The following APOB variants were observed in gnomAD, a reference collection of about 807,000 sequenced individuals.
APOB encodes the protein apolipoprotein B-100.
A neutral mutation model predicts 314.1 loss-of-function variants in APOB; 153 were observed. The observed-to-expected ratio is 0.49, with a 90% CI of 0.43 to 0.56. The LOEUF (loss-of-function observed/expected upper bound fraction) is 0.56, where lower values mean the gene tolerates loss of function less well. APOB is among the 20% of genes least tolerant of loss of function. APOB has a pLI of 0.00. For synonymous variants in APOB, 2,087 were observed against 2,036.4 expected (o/e 1.02, Z -0.67); for missense variants, 5,430 against 5,350.7 (o/e 1.01, Z -0.46).
intron 3 of APOB, among the ~76,000 whole-genome samples, 160 bp downstream of exon 3, chr2:21,042,201 A>G (rs1449046582): frequency 2.6e-5 from 4 of 152,226 alleles, no homozygotes; most frequent in African/African-American, 7.2e-5. Context: ...TTACAAACAG[A>G]GGCAAAGTCC....
At chr2:21,038,316 C>A (rs1317819576) in intron 4 of APOB, among the ~76,000 whole-genome samples, 1 of 151,062 alleles carries the variant, frequency 6.6e-6, no homozygotes, top group Non-Finnish European at 1.5e-5. Flanking sequence ...TTTGGTGATT[C>A]TTTTTTTTTC....
chr2:21,014,979 A>G, intron 23 of APOB, 94 bp downstream of exon 23: 1 of 1,306,406 alleles, frequency 7.7e-7, no homozygotes, highest in Non-Finnish European at 1.1e-6. Flanking sequence ...CATGCCTTAT[A>G]CATCTTTGGA....
At chr2:21,003,632 G>A (rs941073458) in intron 28 of APOB, among the ~76,000 whole-genome samples, 2 of 152,186 alleles carry the variant, frequency 1.3e-5, no homozygotes, top group African/African-American at 4.8e-5. Context: ...TGGAAGAGGA[G>A]TGGGGGGAAG....
chr2:21,007,578 T>C lies in APOB; in HGVS notation c.9290A>G (p.Lys3097Arg). The C allele has an allele frequency of 6.2e-7, 1 of 1,614,106 alleles. No homozygotes were observed. The highest frequency in any genetic ancestry group is 1.1e-5 in the South Asian group (1 of 91,078). ...WQVSARFNQY[K>R]YNQNFSAGNN... ...TCCAGCAGAGAAATTTTGGTTGTAC[T>C]TATACTGATTGAACCTAGCACTTAC... The change falls in exon 26 of 29, where the codon AAG becomes AGG. Residue 3097 changes from lysine (K) to arginine (R), a missense_variant. Coordinates refer to ENST00000233242, the MANE Select transcript of APOB (RefSeq NM_000384.3).
In APOB at chr2:21,001,700, G is replaced by T; in HGVS notation, c.*30C>A. ...GCTATGTGAAAGTTCAATTGGAAAA[G>T]AAGAATAAATGAAGATTTCTTTTAA... is the stretch of plus-strand genomic sequence containing the variant. On this transcript the variant is annotated 3_prime_UTR_variant, in exon 29 of 29. Coordinates refer to ENST00000233242, the MANE Select transcript of APOB (RefSeq NM_000384.3). 1 of 1,608,628 alleles carries T rather than the reference G, an allele frequency of 6.2e-7. No homozygotes were observed. The highest frequency in any genetic ancestry group is 1.1e-5 in the South Asian group (1 of 90,856).
In APOB at chr2:21,024,919, G is replaced by T. The variant is rs1296620347; in HGVS notation, c.2436+14C>A. 6.2e-7 allele frequency: 1 copy of T among 1,613,688 alleles called. No individual in the cohort carries two copies. The highest frequency in any genetic ancestry group is 1.1e-5 in the South Asian group (1 of 91,040). ...TCTGGTCTCATGGGCCCCCAGTGGG[G>T]CCTGCTGACTTACCATCTGGGGGAT... On this transcript the variant is annotated intron_variant, in intron 16 of 28. Coordinates refer to ENST00000233242, the MANE Select transcript of APOB (RefSeq NM_000384.3).
At position 21,009,774 on chromosome 2, in the gene APOB, G is replaced by T. The variant is rs200034452; in HGVS notation, c.7094C>A (p.Ala2365Asp). 6.2e-7 allele frequency: 1 copy of T among 1,613,886 alleles called. No individual in the cohort carries two copies. Among genetic ancestry groups the T allele is most frequent in the African/African-American group, 1.3e-5 (1 of 74,976 alleles). The change falls in exon 26 of 29, where the codon GCC becomes GAC. Residue 2365 changes from alanine (A) to aspartate (D), a missense_variant. Ala to Asp is a moderately radical substitution (Grantham distance 126). Transcript: ENST00000233242. ...AGTCTCCTTCAACTTGTATTGGTGGGCCAACTCTACTAATTTATCCATTAA... is the reference window on the plus strand; with the variant it reads ...AGTCTCCTTCAACTTGTATTGGTGGTCCAACTCTACTAATTTATCCATTAA... ...QVLMDKLVEL[A>D]HQYKLKETIQ...
chr2:21,036,971 T>G, intron 6 of APOB, 129 bp downstream of exon 6: 3 of 1,189,870 alleles, frequency 2.5e-6, no homozygotes, highest in Non-Finnish European at 3.6e-6. Context: ...CAGGGTCCTA[T>G]CTCTAGTCTG....
rs529781248 is a variant in APOB, at chr2:21,016,755, C to T, written c.3122-106G>A. On this transcript the variant is annotated intron_variant, in intron 20 of 28. Transcript: ENST00000233242. ...ATCCCAGCACTTTGGGAGGCCAAGG[C>T]GGGCAGATCATGAGGTCAGGAGATC... The T allele has an allele frequency of 1.1e-3, 819 of 757,144 alleles. 5 individuals carry two copies. The highest frequency in any genetic ancestry group is 5.8e-3 in the South Asian group (411 of 70,270). The allele number at this position is 757,144 out of a possible 1,614,324, so 46.9% of individuals were successfully genotyped here. A position where few individuals can be genotyped will look rare whatever the true frequency, so the allele number is the denominator to read the frequency against.
rs777974413 is a variant in APOB, at chr2:21,026,877, A to G, written c.2155T>C (p.Leu719=). ...GFFPDSVNKA[L]YWVNGQVPDG... is the part of the protein sequence containing the mutation. ...GGAACTTGACCATTAACCCAGTACA[A>G]AGCTTTGTTGACACTGTCTGGGAAA... Residue 719 remains leucine, a synonymous_variant, in exon 15 of 29, where the codon TTG becomes CTG. Transcript: ENST00000233242. The G allele has an allele frequency of 3.7e-6, 6 of 1,614,198 alleles. No homozygotes were observed. In the East Asian group the frequency reaches 1.3e-4, roughly 36 times the overall value.
intron 18 of APOB, among the ~76,000 whole-genome samples, chr2:21,021,010 A>G (rs1290619671): frequency 2.6e-5 from 4 of 152,194 alleles, no homozygotes; most frequent in Admixed American, 6.5e-5. Context: ...TTTAACCACA[A>G]CAACCTCTGT....
chr2:21,038,726 C>T (rs945675349), intron 4 of APOB, among the ~76,000 whole-genome samples: 5 of 152,224 alleles, frequency 3.3e-5, no homozygotes, highest in South Asian at 2.1e-4. Context: ...TACGGACACC[C>T]GAGTGGTTGT....
chr2:21,017,168 T>C (rs1663500433), intron 20 of APOB, among the ~76,000 whole-genome samples: 1 of 151,968 alleles, frequency 6.6e-6, no homozygotes, highest in South Asian at 2.1e-4. Context: ...AATTTTTTAA[T>C]GGGTCTCATT....
Position 21,004,184 on chromosome 2 carries a change from C to G in APOB, c.12087+85G>C. ...GTCTTTCACCTAGTTTGGGGAATCT[C>G]TGAATATTTGGTCCTGAATTAAATG... On this transcript the variant is annotated intron_variant, in intron 28 of 28. Coordinates refer to ENST00000233242, the MANE Select transcript of APOB (RefSeq NM_000384.3). 5 of 1,462,998 alleles carry G rather than the reference C, an allele frequency of 3.4e-6. 1 individual carries two copies. The South Asian group carries it at 5.8e-5, about 17-fold the overall frequency. 90.6% of individuals were successfully genotyped at this position (1,462,998 alleles called of 1,614,324 possible).
In APOB at chr2:21,005,775, C is replaced by T; in HGVS notation, c.11093G>A (p.Arg3698Lys). ...AGTTGAAACACGAAGATGCTGTCTC[C>T]TACCAATGCTGGTGGTTACATCCAG... ...LKLDVTTSIGRRQHLRVSTAF... is the reference protein window; with the variant it reads ...LKLDVTTSIGKRQHLRVSTAF... The change falls in exon 26 of 29, where the codon AGG (arginine) becomes AAG (lysine). Residue 3698 changes from arginine (R) to lysine (K), a missense_variant. By Grantham distance (26) the Arg-to-Lys change is conservative (BLOSUM62 2). This residue lies in a region of APOB where 3,281 missense variants were observed against 3,171.0 expected (regional missense o/e 1.03). Transcript: ENST00000233242. 1 of 1,613,992 alleles carries T rather than the reference C, an allele frequency of 6.2e-7. No individual in the cohort carries two copies. The highest frequency in any genetic ancestry group is 8.5e-7 in the Non-Finnish European group (1 of 1,179,958).
intron 1 of APOB, 56 bp downstream of exon 1, chr2:21,043,808 C>A: frequency 6.5e-7 from 1 of 1,530,500 alleles, no homozygotes; most frequent in African/African-American, 1.4e-5. Context: ...CGGCCAACCT[C>A]GTGCCGCCGG....
rs373995960 is a variant in APOB at position 21,006,007 on chromosome 2, C to A, written c.10861G>T (p.Ala3621Ser). 3 of 1,613,930 alleles carry A rather than the reference C, an allele frequency of 1.9e-6. No individual in the cohort carries two copies. The highest frequency in any genetic ancestry group is 1.7e-6 in the Non-Finnish European group (2 of 1,179,942). Residue 3621 changes from alanine (A) to serine (S), a missense_variant, in exon 26 of 29, where the codon GCC (alanine) becomes TCC (serine). Physicochemically the swap from Ala to Ser is moderately conservative, Grantham distance 99. Transcript: ENST00000233242. ...TGGTTCTTAGTGTTAGCATTCAGGG[C>A]CACTTCCTGGCCAAGGTCAGGGAAA... ...HDFPDLGQEV[A>S]LNANTKNQKI...
In APOB at chr2:21,026,889, C is replaced by T. The variant is rs757545777; in HGVS notation, c.2143G>A (p.Val715Ile). 1.9e-6 allele frequency: 3 copies of T among 1,614,164 alleles called. No homozygotes were observed. The highest frequency in any genetic ancestry group is 1.7e-5 in the Admixed American group (1 of 60,020). Reference sequence around the variant, plus strand: ...TTAACCCAGTACAAAGCTTTGTTGACACTGTCTGGGAAAAATCCTTGCTTC... The same window carrying T: ...TTAACCCAGTACAAAGCTTTGTTGATACTGTCTGGGAAAAATCCTTGCTTC... Reference protein sequence around the residue: ...FGKQGFFPDSVNKALYWVNGQ... With the variant: ...FGKQGFFPDSINKALYWVNGQ... The change falls in exon 15 of 29, where the codon GTC becomes ATC. Residue 715 changes from valine to isoleucine, a missense_variant. Physicochemically the swap from Val to Ile is conservative, Grantham distance 29. This residue lies in a region of APOB where 2,085 missense variants were observed against 2,079.7 expected (regional missense o/e 1.00). Transcript: ENST00000233242.
At position 21,010,001 on chromosome 2, in the gene APOB, A is replaced by C. The variant is rs1428477010; in HGVS notation, c.6867T>G (p.Ile2289Met). Residue 2289 changes from isoleucine (I) to methionine (M), a missense_variant, in exon 26 of 29, where the codon ATT becomes ATG. By Grantham distance (10) the Ile-to-Met change is conservative (BLOSUM62 1). Coordinates refer to ENST00000233242, the MANE Select transcript of APOB (RefSeq NM_000384.3). ...QHLAGKLKQHIEAIDVRVLLD... is the reference protein window; with the variant it reads ...QHLAGKLKQHMEAIDVRVLLD... ...AAAGCACTCTAACATCAATAGCCTC[A>C]ATGTGTTGTTTTAACTTTCCAGCTA... is the stretch of plus-strand genomic sequence containing the variant. 2 of 1,613,750 alleles carry C rather than the reference A, an allele frequency of 1.2e-6. No homozygotes were observed. Among genetic ancestry groups the C allele is most frequent in the Admixed American group, 1.7e-5 (1 of 60,016 alleles).
Sources: allele counts gnomAD v4.1 joint callset (sites outside exome capture counted in the v4.1 genomes callset), GRCh38; gene constraint gnomAD v4.1.1; regional missense constraint gnomAD v4.1.1; transcripts MANE v1.5; gene names NCBI Gene and HGNC (gene_info 2026-07-23, HGNC 2026-07-21).